Variants in SPATA6L observed in about 807,000 individuals in gnomAD.
The protein encoded by SPATA6L is spermatogenesis associated 6-like protein.
Under a neutral mutation model 49.2 loss-of-function variants are expected in SPATA6L, and 68 were observed. That is an observed-to-expected ratio of 1.38 (90% CI 1.14 to 1.69). SPATA6L has a LOEUF of 1.69. Ranked by LOEUF, SPATA6L falls within the 40% of genes most tolerant of loss-of-function variation. SPATA6L has a pLI of 0.00. For missense variants in SPATA6L, 668 were observed against 464.3 expected (o/e 1.44, Z -4.03); for synonymous variants, 198 against 165.7 (o/e 1.19, Z -1.50).
chr9:4,604,251 C>T lies in SPATA6L; in HGVS notation c.1108G>A (p.Val370Ile), dbSNP rs1193257658. ...CTTGGTCTTTCAATGATATAATTTA[C>T]TTCAGAGGTAGAATCTTCCTACAAT... ...HQNKEDSTSE[V>I]NYIIERPSYP... Residue 370 changes from valine (V) to isoleucine (I), a missense_variant, in exon 11 of 12, where the codon GTA (valine) becomes ATA (isoleucine). Transcript: ENST00000682582. The T allele has an allele frequency of 6.2e-7, 1 of 1,609,156 alleles. No homozygotes were observed. The highest frequency in any genetic ancestry group is 1.1e-5 in the South Asian group (1 of 90,644).
chr9:4,595,086 C>T (rs1158328175), downstream of SPATA6L, among the ~76,000 whole-genome samples: 3 of 152,116 alleles, frequency 2.0e-5, no homozygotes, highest in African/African-American at 7.2e-5. Flanking sequence ...AATATGAATC[C>T]ACAAAATGAA....
At chr9:4,636,671 T>C (rs1245728158) in intron 3 of SPATA6L, among the ~76,000 whole-genome samples, 1 of 152,230 alleles carries the variant, frequency 6.6e-6, no homozygotes. Context: ...GTACATCAAC[T>C]GTAGAACATA....
At chr9:4,663,402 G>A in intron 1 of SPATA6L, 1 of 914,588 alleles carries the variant, frequency 1.1e-6, no homozygotes, top group Non-Finnish European at 1.7e-6. Context: ...CCATGATCTT[G>A]ATGTGCTGCT....
At chr9:4,661,759 G>A in intron 2 of SPATA6L, 140 bp downstream of exon 2, 1 of 1,172,482 alleles carries the variant, frequency 8.5e-7, no homozygotes, top group East Asian at 2.6e-5. Context: ...TCCGACTGCG[G>A]TTTTGCATTG....
chr9:4,635,009 A>C (rs1277926879), intron 4 of SPATA6L, among the ~76,000 whole-genome samples: 2 of 152,248 alleles, frequency 1.3e-5, no homozygotes, highest in Non-Finnish European at 2.9e-5. Flanking sequence ...CTTACTGTTA[A>C]TCTGCAACAA....
downstream of SPATA6L, among the ~76,000 whole-genome samples, chr9:4,594,660 T>C (rs1253810709): frequency 6.6e-6 from 1 of 152,184 alleles, no homozygotes; most frequent in African/African-American, 2.4e-5. Flanking sequence ...GCTCTGGGAT[T>C]CAGGTGGGAG....
chr9:4,637,927 C>T (rs374199216), intron 3 of SPATA6L, among the ~76,000 whole-genome samples: 4 of 152,216 alleles, frequency 2.6e-5, no homozygotes, highest in African/African-American at 9.7e-5. Context: ...GCTTTTCCAA[C>T]TCTTACCCTT....
chr9:4,638,496 A>G (rs1312314521), intron 3 of SPATA6L, among the ~76,000 whole-genome samples: 1 of 151,944 alleles, frequency 6.6e-6, no homozygotes, highest in Non-Finnish European at 1.5e-5. Context: ...TACAGGTGTG[A>G]GCCACCACGC....
chr9:4,630,742 G>A (rs1262407540), intron 4 of SPATA6L, among the ~76,000 whole-genome samples: 1 of 152,220 alleles, frequency 6.6e-6, no homozygotes, highest in African/African-American at 2.4e-5. Flanking sequence ...CCTACTGCAT[G>A]CTTATTACAT....
chr9:4,632,917 T>A (rs1190207652), intron 4 of SPATA6L: 2 of 152,254 alleles, frequency 1.3e-5, no homozygotes, highest in African/African-American at 4.8e-5. Flanking sequence ...GAAAGCAACA[T>A]GGATGTGATC....
Position 4,662,674 on chromosome 9 carries a change from G to A in SPATA6L, c.40-638C>T. ...ATGGACTTGAACCCGTCCTTCCTGG[G>A]CATCGCCCTGCGCTCCCTGCTGGCC... On this transcript the variant is annotated intron_variant, in intron 1 of 11. Coordinates refer to ENST00000682582, the MANE Select transcript of SPATA6L (RefSeq NM_001353486.2). The surrounding 1 kb of genome is among the most constrained non-coding windows in gnomAD (Gnocchi z 4.9). The A allele has an allele frequency of 6.2e-7, 1 of 1,600,374 alleles. No homozygotes were observed. The highest frequency in any genetic ancestry group is 8.5e-7 in the Non-Finnish European group (1 of 1,179,872).
At chr9:4,603,160 G>A (rs371060493) in intron 11 of SPATA6L, among the ~76,000 whole-genome samples, 19 of 152,114 alleles carry the variant, frequency 1.2e-4, no homozygotes, top group Non-Finnish European at 2.2e-4. Context: ...GACCGGGCAC[G>A]GTGGCTCACG....
downstream of SPATA6L, among the ~76,000 whole-genome samples, chr9:4,597,768 T>G (rs1189760176): frequency 1.3e-5 from 2 of 152,110 alleles, no homozygotes; most frequent in Non-Finnish European, 2.9e-5. Flanking sequence ...CGCTAAGTAG[T>G]GCTAGGAGGG....
chr9:4,658,654 C>T (rs1587517558), intron 2 of SPATA6L, among the ~76,000 whole-genome samples: 1 of 152,074 alleles, frequency 6.6e-6, no homozygotes, highest in Non-Finnish European at 1.5e-5. Context: ...TAGTTGTGTG[C>T]TTCTACAGTT....
At chr9:4,618,685 C>G (rs1828574204) in intron 8 of SPATA6L, among the ~76,000 whole-genome samples, 179 bp downstream of exon 8, 1 of 152,206 alleles carries the variant, frequency 6.6e-6, no homozygotes, top group Non-Finnish European at 1.5e-5. Flanking sequence ...CACAAACCAA[C>G]TAACCCCTAA....
At chr9:4,627,182 T>G (rs561976317) in intron 5 of SPATA6L, 1 of 152,556 alleles carries the variant, frequency 6.6e-6, no homozygotes, top group African/African-American at 2.4e-5. Context: ...ATAAAACTAT[T>G]TGTTTAAAAA....
chr9:4,642,573 TG>T (rs1295213804), intron 3 of SPATA6L, among the ~76,000 whole-genome samples: 1 of 152,192 alleles, frequency 6.6e-6, no homozygotes, highest in Non-Finnish European at 1.5e-5. Flanking sequence ...GCACTTCACT[TG>T]GGCCCTTGAC....
intron 7 of SPATA6L, among the ~76,000 whole-genome samples, chr9:4,621,319 G>T (rs1241008938): frequency 1.3e-5 from 2 of 152,220 alleles, no homozygotes; most frequent in Non-Finnish European, 2.9e-5. Flanking sequence ...TCCCCCAGGG[G>T]TACCCAAGAC....
At chr9:4,647,711 G>A (rs922305130) in intron 3 of SPATA6L, among the ~76,000 whole-genome samples, 1 of 151,726 alleles carries the variant, frequency 6.6e-6, no homozygotes, top group Admixed American at 6.6e-5. Context: ...TTAAAATAAG[G>A]ACAAGAATAA....
Sources: gnomAD v4.1 joint callset for allele counts (sites outside exome capture counted in the v4.1 genomes callset) on GRCh38, gnomAD v4.1.1 for gene constraint, Gnocchi (gnomAD v3.1) non-coding constraint, MANE v1.5 for transcripts, NCBI Gene and HGNC (gene_info 2026-07-23, HGNC 2026-07-21) for gene names.